SORCS1: variants seen among roughly 807,000 people sequenced by gnomAD.
The protein encoded by SORCS1 is sortilin related VPS10 domain containing receptor 1.
Under a neutral mutation model 146.1 loss-of-function variants are expected in SORCS1, and 60 were observed. That is an observed-to-expected ratio of 0.41 (90% CI 0.33 to 0.51). The LOEUF is 0.51. Among genes scored for constraint, SORCS1 ranks in the 20% least tolerant of loss-of-function variants. The pLI is 0.21. For missense variants in SORCS1, 1,352 were observed against 1,487.6 expected (o/e 0.91, Z 1.50); for synonymous variants, 637 against 584.0 (o/e 1.09, Z -1.31).
At chr10:106,884,329 C>G (rs900587162) in intron 2 of SORCS1, among the ~76,000 whole-genome samples, 4 of 152,162 alleles carry the variant, frequency 2.6e-5, no homozygotes, top group African/African-American at 7.2e-5. Context: ...ATTATCTAAG[C>G]TATAACCACC....
intron 10 of SORCS1, among the ~76,000 whole-genome samples, chr10:106,683,163 T>C (rs1852570890): frequency 6.6e-6 from 1 of 152,222 alleles, no homozygotes. Flanking sequence ...CTCTAGTTAC[T>C]AGTTACCTTT....
intron 2 of SORCS1, among the ~76,000 whole-genome samples, chr10:106,924,378 T>C (rs1952878173): frequency 6.6e-6 from 1 of 152,056 alleles, no homozygotes; most frequent in Admixed American, 6.6e-5. Flanking sequence ...ATTAGATAAA[T>C]GATATGGTAA....
At chr10:106,943,757 C>A (rs978894656) in intron 2 of SORCS1, among the ~76,000 whole-genome samples, 2 of 152,030 alleles carry the variant, frequency 1.3e-5, no homozygotes, top group African/African-American at 4.8e-5. Context: ...TTGCAGTGAG[C>A]CGAGATCGTG....
chr10:107,110,441 G>A (rs1159420716), intron 1 of SORCS1, among the ~76,000 whole-genome samples: 1 of 152,130 alleles, frequency 6.6e-6, no homozygotes, highest in East Asian at 1.9e-4. Context: ...TTCAATCATG[G>A]TGGAAGGCAA....
At chr10:107,050,488 T>C (rs1421455422) in intron 1 of SORCS1, among the ~76,000 whole-genome samples, 2 of 152,194 alleles carry the variant, frequency 1.3e-5, no homozygotes, top group East Asian at 1.9e-4. Flanking sequence ...AACAGTTCAA[T>C]AGAAACCCCA....
intron 2 of SORCS1, among the ~76,000 whole-genome samples, chr10:106,879,868 A>T (rs1459623127): frequency 6.6e-6 from 1 of 152,232 alleles, no homozygotes; most frequent in Non-Finnish European, 1.5e-5. Context: ...ATGGGAGTCC[A>T]GCCAGCTGAT....
intron 1 of SORCS1, among the ~76,000 whole-genome samples, chr10:106,991,206 T>C (rs565455359): frequency 3.8e-4 from 58 of 152,348 alleles, no homozygotes; most frequent in Non-Finnish European, 7.2e-4. Context: ...GAGCTTTCCA[T>C]CCACACCAGT....
At chr10:106,868,268 C>T (rs1330346497) in intron 2 of SORCS1, among the ~76,000 whole-genome samples, 1 of 152,084 alleles carries the variant, frequency 6.6e-6, no homozygotes, top group Non-Finnish European at 1.5e-5. Context: ...TTCAACACCC[C>T]ACTGACAGTA....
intron 22 of SORCS1, among the ~76,000 whole-genome samples, chr10:106,610,712 T>C (rs983630801): frequency 1.3e-5 from 2 of 152,332 alleles, no homozygotes; most frequent in East Asian, 3.9e-4. Flanking sequence ...AACTCACTTC[T>C]GATTTTCCGC....
At chr10:107,119,177 TC>T (rs956295490) in intron 1 of SORCS1, among the ~76,000 whole-genome samples, 5 of 152,178 alleles carry the variant, frequency 3.3e-5, no homozygotes, top group Non-Finnish European at 7.4e-5. Context: ...TATCAAAATT[TC>T]ACTGCAGATT....
At chr10:106,997,910 G>T (rs181935161) in intron 1 of SORCS1, among the ~76,000 whole-genome samples, 1 of 152,194 alleles carries the variant, frequency 6.6e-6, no homozygotes, top group Non-Finnish European at 1.5e-5. Context: ...AGTGGGAGGT[G>T]CATGGGTAGG....
chr10:106,650,473 TC>T (rs1238698369), intron 18 of SORCS1, among the ~76,000 whole-genome samples: 2 of 152,202 alleles, frequency 1.3e-5, no homozygotes, highest in Non-Finnish European at 2.9e-5. Context: ...TTGAGTGCTT[TC>T]TATGTTTCCT....
At chr10:106,707,527 T>A (rs938393313) in intron 7 of SORCS1, among the ~76,000 whole-genome samples, 8 of 152,110 alleles carry the variant, frequency 5.3e-5, no homozygotes, top group Admixed American at 5.2e-4. Flanking sequence ...TAAAGCTAAA[T>A]CTCACTCTAT....
rs147513817 is a variant in SORCS1 at position 107,068,160 on chromosome 10, G to A, written c.558+95809C>T. On this transcript the variant is annotated intron_variant, in intron 1 of 25. Transcript: ENST00000263054. ...CATCCTCCTTCCCCTCCCTAGTTTG[G>A]AGGAATTCTTTCTAATCTGCTTTCG... Among the ~76,000 whole-genome samples the A allele has an allele frequency of 1.7e-3, 252 of 152,214 alleles. 1 individual carries two copies. Among genetic ancestry groups the A allele is most frequent in the African/African-American group, 4.4e-3 (181 of 41,540 alleles).
chr10:106,952,413 T>C (rs1954728089), intron 2 of SORCS1, among the ~76,000 whole-genome samples: 1 of 151,976 alleles, frequency 6.6e-6, no homozygotes, highest in Non-Finnish European at 1.5e-5. Flanking sequence ...CTGAGCCCTG[T>C]CCTCTACCCA....
intron 1 of SORCS1, among the ~76,000 whole-genome samples, chr10:107,148,497 T>C (rs1163686362): frequency 6.6e-6 from 1 of 152,188 alleles, no homozygotes; most frequent in African/African-American, 2.4e-5. Flanking sequence ...ATCTTTGGCT[T>C]GTGGGCCATA....
chr10:107,075,094 AC>A (rs1338072294), intron 1 of SORCS1, among the ~76,000 whole-genome samples: 5 of 152,290 alleles, frequency 3.3e-5, no homozygotes, highest in Admixed American at 2.6e-4. Flanking sequence ...ATGGAAAAAA[AC>A]TTCAACATAT....
At chr10:106,997,798 C>T in intron 1 of SORCS1, among the ~76,000 whole-genome samples, 1 of 152,120 alleles carries the variant, frequency 6.6e-6, no homozygotes, top group East Asian at 1.9e-4. Context: ...CTTGGTGAAC[C>T]ACTTCTCTCC....
At chr10:106,766,799 C>T (rs560495604) in intron 4 of SORCS1, among the ~76,000 whole-genome samples, 2 of 152,286 alleles carry the variant, frequency 1.3e-5, no homozygotes, top group South Asian at 4.1e-4. Context: ...ATATTTTGTG[C>T]ACAGTGTTGT....
Sources: allele counts gnomAD v4.1 joint callset (sites outside exome capture counted in the v4.1 genomes callset), GRCh38; gene constraint gnomAD v4.1.1; transcripts MANE v1.5; gene names NCBI Gene and HGNC (gene_info 2026-07-23, HGNC 2026-07-21).